The following CTNNA2 variants were observed in gnomAD, a reference collection of about 807,000 sequenced individuals.
CTNNA2 encodes the protein catenin alpha 2, also known as catenin alpha-2.
In CTNNA2, 42 loss-of-function variants were observed where a neutral mutation model predicts 101.0. The observed-to-expected ratio is 0.42, with a 90% CI of 0.32 to 0.54. The LOEUF is 0.54. Among genes scored for constraint, CTNNA2 ranks in the 20% least tolerant of loss-of-function variants. The probability of loss-of-function intolerance (pLI) is 0.14; values close to 1 mark genes in which losing one functional copy is unlikely to be tolerated. For missense variants in CTNNA2, 871 were observed against 1,223.1 expected, an observed-to-expected ratio of 0.71 and a Z score of 4.29; for synonymous variants, 450 against 456.4, an observed-to-expected ratio of 0.99 and a Z score of 0.18.
At position 80,304,102 on chromosome 2, in the gene CTNNA2, G is replaced by GA. The variant is rs766640093; in HGVS notation, c.1057-89099dup. On this transcript the variant is annotated intron_variant, in intron 7 of 18. Transcript: ENST00000402739. ...AGATGCTGCAGCAAAGAAAAGGGAGGAAAAAAAAAATCTTCGGGAAAGAAT... is the reference window on the plus strand; with the variant it reads ...AGATGCTGCAGCAAAGAAAAGGGAGGAAAAAAAAAAATCTTCGGGAAAGAAT... 1,313 of 333,772 alleles carry GA rather than the reference G, an allele frequency of 3.9e-3. 1 individual carries two copies. The highest frequency in any genetic ancestry group is 7.8e-3 in the East Asian group (171 of 21,836). The allele number at this position is 333,772 out of a possible 1,614,324, so 20.7% of individuals were successfully genotyped here. A position where few individuals can be genotyped will look rare whatever the true frequency, so the allele number is the denominator to read the frequency against.
At chr2:79,383,292 A>G (rs531027031) in intron 4 of CTNNA2, among the ~76,000 whole-genome samples, 1 of 152,348 alleles carries the variant, frequency 6.6e-6, no homozygotes, top group East Asian at 1.9e-4. Flanking sequence ...AAATTTCATG[A>G]CATTGTTCCT....
chr2:80,285,097 G>A (rs976038319), intron 7 of CTNNA2, among the ~76,000 whole-genome samples: 2 of 152,044 alleles, frequency 1.3e-5, no homozygotes, highest in African/African-American at 4.8e-5. Context: ...TTTCCAAGTA[G>A]ATGTCCGTCC....
In CTNNA2 at chr2:80,560,655, T is replaced by C. The variant is rs140287297; in HGVS notation, c.1741+4762T>C. Among the ~76,000 whole-genome samples the C allele has an allele frequency of 2.4e-4, 36 of 152,292 alleles. 1 individual carries two copies. In the East Asian group the frequency reaches 7.0e-3, roughly 29 times the overall value. On this transcript the variant is annotated intron_variant, in intron 12 of 18. Coordinates refer to ENST00000402739, the MANE Select transcript of CTNNA2 (RefSeq NM_001282597.3). ...CATATCCATGCTGCTCCCTCTGTCC[T>C]CCCTGCAACGTTCTTCATCTCCTCC...
At chr2:79,193,775 C>G (rs557188432) in intron 1 of CTNNA2, among the ~76,000 whole-genome samples, 1 of 152,266 alleles carries the variant, frequency 6.6e-6, no homozygotes, top group South Asian at 2.1e-4. Context: ...AGGTAAACAT[C>G]TTTGTCTCCA....
intron 17 of CTNNA2, among the ~76,000 whole-genome samples, chr2:80,616,949 C>G (rs1024509900): frequency 1.3e-5 from 2 of 151,748 alleles, no homozygotes; most frequent in Non-Finnish European, 3.0e-5. Context: ...AAGTCATTTT[C>G]CATTTCCAAA....
chr2:80,577,794 C>A (rs1273386339), intron 13 of CTNNA2, among the ~76,000 whole-genome samples: 1 of 148,778 alleles, frequency 6.7e-6, no homozygotes, highest in African/African-American at 2.6e-5. Flanking sequence ...CTACCTCATG[C>A]ATCTCTCAAG....
At position 79,835,666 on chromosome 2, in the gene CTNNA2, G is replaced by GTT. The variant is rs70940048; in HGVS notation, c.299-22311_299-22310dup. Among the ~76,000 whole-genome samples the GTT allele has an allele frequency of 5.6e-4, 33 of 58,634 alleles. 12 individuals are homozygous for GTT. The highest frequency in any genetic ancestry group is 1.6e-3 in the South Asian group (2 of 1,218). 38.5% of individuals were successfully genotyped at this position (58,634 alleles called of 152,430 possible). Reference sequence around the variant, plus strand: ...CTGTGCTGCAGAATGGCCTCTCTTTGTTTTTTTTTTTTTTTTTTTTTTTTT... The same window carrying GTT: ...CTGTGCTGCAGAATGGCCTCTCTTTGTTTTTTTTTTTTTTTTTTTTTTTTTTT... On this transcript the variant is annotated intron_variant, in intron 3 of 18. Coordinates refer to ENST00000402739, the MANE Select transcript of CTNNA2 (RefSeq NM_001282597.3).
intron 4 of CTNNA2, among the ~76,000 whole-genome samples, chr2:79,868,421 T>C (rs1682311787): frequency 1.3e-5 from 2 of 152,232 alleles, no homozygotes; most frequent in Admixed American, 6.5e-5. Context: ...GTATTACATA[T>C]CTCTGGGACA....
intron 7 of CTNNA2, among the ~76,000 whole-genome samples, chr2:80,323,528 G>T (rs1401987254): frequency 6.6e-6 from 1 of 152,038 alleles, no homozygotes. Context: ...TGCTTGGAAG[G>T]TTATGATCTC....
chr2:79,556,991 G>A (rs1427969583), intron 1 of CTNNA2, among the ~76,000 whole-genome samples: 1 of 151,900 alleles, frequency 6.6e-6, no homozygotes, highest in African/African-American at 2.4e-5. Flanking sequence ...AAGATCTTCA[G>A]AGAAGGAAAT....
At chr2:80,081,950 G>C (rs1010602310) in intron 7 of CTNNA2, among the ~76,000 whole-genome samples, 10 of 152,118 alleles carry the variant, frequency 6.6e-5, no homozygotes, top group Non-Finnish European at 1.3e-4. Context: ...GCTAGATGCA[G>C]GAGACAAAGT....
At chr2:79,340,609 G>A (rs915513091) in intron 3 of CTNNA2, among the ~76,000 whole-genome samples, 3 of 152,114 alleles carry the variant, frequency 2.0e-5, no homozygotes, top group Non-Finnish European at 2.9e-5. Flanking sequence ...CAAGGCGGGC[G>A]GATCACGAGG....
At chr2:80,405,581 C>G (rs1238140728) in intron 8 of CTNNA2, among the ~76,000 whole-genome samples, 1 of 152,124 alleles carries the variant, frequency 6.6e-6, no homozygotes, top group East Asian at 1.9e-4. Flanking sequence ...ATATCTGTGT[C>G]CAGCTCCATG....
At chr2:80,378,927 G>A (rs1337327676) in intron 7 of CTNNA2, 2 of 152,402 alleles carry the variant, frequency 1.3e-5, no homozygotes, top group African/African-American at 4.8e-5. Flanking sequence ...AGGCTCTGGG[G>A]TCAGGGAGAG....
chr2:80,512,666 A>G (rs931599626), intron 9 of CTNNA2, among the ~76,000 whole-genome samples: 21 of 78,444 alleles, frequency 2.7e-4, no homozygotes, highest in Non-Finnish European at 3.8e-4. Context: ...GGCTATAAAT[A>G]TTTTTAAATT....
chr2:79,761,407 T>C lies in CTNNA2; in HGVS notation c.298+16825T>C, dbSNP rs555340967. On this transcript the variant is annotated intron_variant, in intron 3 of 18. Transcript: ENST00000402739. Reference sequence around the variant, plus strand: ...GAATTTCTATAAATAACTAATGCTATGTAAGTCAATGCATATTATTGAAAT... The same window carrying C: ...GAATTTCTATAAATAACTAATGCTACGTAAGTCAATGCATATTATTGAAAT... 2.0e-5 allele frequency among the ~76,000 whole-genome samples: 3 copies of C among 152,352 alleles called. No homozygotes were observed. The South Asian group carries it at 6.2e-4, about 32-fold the overall frequency.
intron 9 of CTNNA2, among the ~76,000 whole-genome samples, chr2:80,487,781 T>C (rs1205471136): frequency 1.3e-5 from 2 of 152,212 alleles, no homozygotes; most frequent in Non-Finnish European, 2.9e-5. Context: ...CTCCATGCAT[T>C]GTATGATTTA....
chr2:79,797,602 A>G (rs895194407), intron 3 of CTNNA2, among the ~76,000 whole-genome samples: 13 of 150,008 alleles, frequency 8.7e-5, no homozygotes, highest in African/African-American at 2.7e-4. Context: ...CAGAGGTTGC[A>G]GTGAGCCAAG....
chr2:80,345,159 G>T (rs28613375), intron 7 of CTNNA2, among the ~76,000 whole-genome samples: 57,551 of 151,942 alleles, frequency 0.38, 13,583 homozygotes, highest in African/African-American at 0.68. Flanking sequence ...ACCCTCCAGT[G>T]GTTTGCCAAA....
Sources: gnomAD v4.1 joint callset for allele counts (sites outside exome capture counted in the v4.1 genomes callset) on GRCh38, gnomAD v4.1.1 for gene constraint, MANE v1.5 for transcripts, NCBI Gene and HGNC (gene_info 2026-07-23, HGNC 2026-07-21) for gene names.